Variants in DPP6 observed in about 807,000 individuals in gnomAD.
The protein encoded by DPP6 is A-type potassium channel modulatory protein DPP6.
In DPP6, 69 loss-of-function variants were observed where a neutral mutation model predicts 122.6. The ratio of observed to expected loss-of-function variants is 0.56; its 90% CI spans 0.46 to 0.69. The LOEUF is 0.69. Among genes scored for constraint, DPP6 ranks in the 30% least tolerant of loss-of-function variants. The probability of loss-of-function intolerance (pLI) is 0.00; values close to 1 mark genes in which losing one functional copy is unlikely to be tolerated. For synonymous variants in DPP6, 418 were observed against 433.1 expected, an observed-to-expected ratio of 0.97 and a Z score of 0.43; for missense variants, 928 against 1,116.9, an observed-to-expected ratio of 0.83 and a Z score of 2.41.
chr7:154,109,109 A>AT (rs1368922634), intron 1 of DPP6, among the ~76,000 whole-genome samples: 2 of 152,218 alleles, frequency 1.3e-5, no homozygotes, highest in Admixed American at 6.5e-5. Flanking sequence ...GCTTACTGAG[A>AT]TTTTTTAAAA....
chr7:154,804,462 C>G (rs758575762), intron 14 of DPP6, among the ~76,000 whole-genome samples: 2 of 152,226 alleles, frequency 1.3e-5, no homozygotes, highest in Non-Finnish European at 2.9e-5. Flanking sequence ...AATTTCACCT[C>G]CCTGCTCCTG....
chr7:154,770,825 A>G (rs1796207342), intron 9 of DPP6, among the ~76,000 whole-genome samples: 1 of 152,192 alleles, frequency 6.6e-6, no homozygotes, highest in Admixed American at 6.5e-5. Context: ...GGAGGGCCTG[A>G]TACTAAAACC....
chr7:154,476,733 C>T (rs985846412), intron 3 of DPP6, among the ~76,000 whole-genome samples: 2 of 152,076 alleles, frequency 1.3e-5, no homozygotes, highest in African/African-American at 4.8e-5. Context: ...TTGGGGGAAC[C>T]AAAACCAAGC....
chr7:154,261,512 G>A (rs13226091), intron 1 of DPP6, among the ~76,000 whole-genome samples: 83,746 of 151,930 alleles, frequency 0.55, 23,199 homozygotes, highest in Middle Eastern at 0.58. Context: ...CCAAAAGTAA[G>A]TGCAATAAAA....
At chr7:154,834,900 G>T (rs1800929158) in intron 16 of DPP6, among the ~76,000 whole-genome samples, 1 of 152,222 alleles carries the variant, frequency 6.6e-6, no homozygotes, top group Non-Finnish European at 1.5e-5. Context: ...GCAAAGGTTT[G>T]TTGTGATAGT....
intron 1 of DPP6, among the ~76,000 whole-genome samples, chr7:153,910,619 TC>T (rs1800047726): frequency 6.6e-6 from 1 of 151,950 alleles, no homozygotes; most frequent in Non-Finnish European, 1.5e-5. Context: ...ACACCAAATT[TC>T]CCCCAGACTT....
chr7:153,877,532 T>A, the DPP6 span, among the ~76,000 whole-genome samples: 1,414 of 152,268 alleles, frequency 9.3e-3, 22 homozygotes, highest in African/African-American at 0.028. Flanking sequence ...AATGATGATG[T>A]CACTAGGAAC....
chr7:154,866,708 G>A (rs911943634), intron 17 of DPP6, among the ~76,000 whole-genome samples: 1 of 152,200 alleles, frequency 6.6e-6, no homozygotes, highest in African/African-American at 2.4e-5. Context: ...GAAAACTAGT[G>A]TCACTATTTC....
chr7:153,899,766 G>C (rs896116455), intron 1 of DPP6, among the ~76,000 whole-genome samples: 1 of 152,234 alleles, frequency 6.6e-6, no homozygotes, highest in Non-Finnish European at 1.5e-5. Flanking sequence ...CTCCATGTGA[G>C]TGTGTAGGTG....
intron 17 of DPP6, among the ~76,000 whole-genome samples, chr7:154,854,749 G>A (rs946112072): frequency 1.3e-5 from 2 of 152,056 alleles, no homozygotes; most frequent in Non-Finnish European, 2.9e-5. Flanking sequence ...AGGTTGCCAC[G>A]GGCACATCCG....
the DPP6 span, among the ~76,000 whole-genome samples, chr7:153,815,441 A>G: frequency 2.0e-5 from 3 of 152,082 alleles, no homozygotes; most frequent in Non-Finnish European, 4.4e-5. Flanking sequence ...ATATGTATAC[A>G]TGTGCCATGT....
At chr7:154,842,401 G>T (rs1263575886) in intron 16 of DPP6, among the ~76,000 whole-genome samples, 1 of 152,096 alleles carries the variant, frequency 6.6e-6, no homozygotes, top group East Asian at 1.9e-4. Context: ...TTCTTTTACA[G>T]TTTTGTGTCC....
intron 3 of DPP6, among the ~76,000 whole-genome samples, chr7:154,529,411 T>C (rs1181551741): frequency 6.6e-6 from 1 of 152,170 alleles, no homozygotes; most frequent in Non-Finnish European, 1.5e-5. Context: ...GAAAATTGCC[T>C]GCTAGAACAA....
intron 2 of DPP6, among the ~76,000 whole-genome samples, chr7:154,458,469 A>G (rs530046011): frequency 6.6e-6 from 1 of 152,274 alleles, no homozygotes; most frequent in African/African-American, 2.4e-5. Flanking sequence ...TCATAGCAGT[A>G]TGAAAATGGA....
At chr7:154,389,271 A>G (rs1360875540) in intron 1 of DPP6, among the ~76,000 whole-genome samples, 2 of 152,192 alleles carry the variant, frequency 1.3e-5, no homozygotes, top group East Asian at 3.8e-4. Flanking sequence ...TGGCCCAGGA[A>G]CCTCACACAA....
In DPP6 at chr7:154,114,410, T is replaced by G. The variant is rs1806828984; in HGVS notation, c.243+61347T>G. Among the ~76,000 whole-genome samples, 10 of 152,070 alleles carry G rather than the reference T, an allele frequency of 6.6e-5. No individual in the cohort carries two copies. The South Asian group carries it at 2.1e-3, about 32-fold the overall frequency. On this transcript the variant is annotated intron_variant, in intron 1 of 25. Coordinates refer to ENST00000377770, the MANE Select transcript of DPP6 (RefSeq NM_130797.4). Reference sequence around the variant, plus strand: ...AATATGAAGGCTAAATGAGATCCTGTAAAGCAATCTTTCCAAGTCCTGAGC... The same window carrying G: ...AATATGAAGGCTAAATGAGATCCTGGAAAGCAATCTTTCCAAGTCCTGAGC...
chr7:154,399,966 G>T (rs190534601), intron 1 of DPP6, among the ~76,000 whole-genome samples: 6 of 152,188 alleles, frequency 3.9e-5, no homozygotes, highest in Non-Finnish European at 5.9e-5. Flanking sequence ...CAAACAGGCC[G>T]AGAAGTCTAG....
chr7:154,006,445 G>C (rs866847865), intron 1 of DPP6, among the ~76,000 whole-genome samples: 1 of 152,076 alleles, frequency 6.6e-6, no homozygotes, highest in East Asian at 1.9e-4. Flanking sequence ...GATTCTTTCT[G>C]AATGTCCACA....
chr7:154,035,076 C>A (rs1238514150), intron 1 of DPP6, among the ~76,000 whole-genome samples: 2 of 152,138 alleles, frequency 1.3e-5, no homozygotes, highest in African/African-American at 4.8e-5. Flanking sequence ...CTGAACCCAG[C>A]AACCTCTTTA....
Sources: gnomAD v4.1 joint callset for allele counts (sites outside exome capture counted in the v4.1 genomes callset) on GRCh38, gnomAD v4.1.1 for gene constraint, MANE v1.5 for transcripts, NCBI Gene and HGNC (gene_info 2026-07-23, HGNC 2026-07-21) for gene names.